The following PAH variants were observed in gnomAD, a reference collection of about 807,000 sequenced individuals.
PAH encodes phenylalanine hydroxylase.
A neutral mutation model predicts 62.0 loss-of-function variants in PAH; 64 were observed. That is an observed-to-expected ratio of 1.03 (90% CI 0.84 to 1.27). PAH has a LOEUF of 1.27. Among genes scored for constraint, PAH ranks in the 50% most tolerant of loss-of-function variants. The pLI, the probability that PAH is intolerant of heterozygous loss-of-function variation, is 0.00. For missense variants in PAH, 579 were observed against 542.8 expected, an observed-to-expected ratio of 1.07 and a Z score of -0.66; for synonymous variants, 195 against 196.2, an observed-to-expected ratio of 0.99 and a Z score of 0.05.
chr12:102,928,522 C>T (rs180865501), intron 1 of PAH, among the ~76,000 whole-genome samples: 4 of 152,162 alleles, frequency 2.6e-5, no homozygotes, highest in Admixed American at 2.6e-4. Flanking sequence ...GTGGAAGGGG[C>T]GTGGTCTAAA....
chr12:102,875,841 G>A (rs1032002779), intron 4 of PAH, among the ~76,000 whole-genome samples: 14 of 151,916 alleles, frequency 9.2e-5, no homozygotes, highest in East Asian at 7.7e-4. Context: ...CTTCCTACAC[G>A]TTTGCAATTG....
At chr12:102,886,640 A>T (rs1463802937) in intron 3 of PAH, among the ~76,000 whole-genome samples, 1 of 152,014 alleles carries the variant, frequency 6.6e-6, no homozygotes, top group Non-Finnish European at 1.5e-5. Context: ...TGGTTATGTC[A>T]CTCCAGGAGC....
intron 12 of PAH, among the ~76,000 whole-genome samples, chr12:102,839,788 CTA>C (rs771314015): frequency 6.6e-6 from 1 of 152,204 alleles, no homozygotes; most frequent in Non-Finnish European, 1.5e-5. Context: ...TCCATTTATG[CTA>C]TGTCTTCACA....
intron 3 of PAH, among the ~76,000 whole-genome samples, chr12:102,888,356 C>T (rs1877125934): frequency 6.6e-6 from 1 of 151,798 alleles, no homozygotes; most frequent in South Asian, 2.1e-4. Flanking sequence ...ATATTGAAAA[C>T]AAGAATAATA....
chr12:102,864,681 T>C (rs1211284554), intron 5 of PAH, among the ~76,000 whole-genome samples: 1 of 151,860 alleles, frequency 6.6e-6, no homozygotes, highest in Non-Finnish European at 1.5e-5. Context: ...TACACCTCAG[T>C]AGAATCAAAT....
chr12:102,928,923 T>G (rs1878763977), intron 1 of PAH, among the ~76,000 whole-genome samples: 1 of 152,182 alleles, frequency 6.6e-6, no homozygotes, highest in South Asian at 2.1e-4. Flanking sequence ...TTATGTTTCT[T>G]TTAGCAAATG....
intron 4 of PAH, among the ~76,000 whole-genome samples, chr12:102,875,781 T>G (rs1472074418): frequency 6.6e-6 from 1 of 152,134 alleles, no homozygotes; most frequent in Non-Finnish European, 1.5e-5. Context: ...CAACTAATAT[T>G]CAAGGCAGCC....
At chr12:102,908,221 G>GACACACACAC (rs150345639) in intron 2 of PAH, among the ~76,000 whole-genome samples, 3 of 141,800 alleles carry the variant, frequency 2.1e-5, no homozygotes, top group African/African-American at 5.2e-5. Context: ...CTGCAGCCCC[G>GACACACACAC]ACACACACAC....
At chr12:102,935,821 T>A (rs1194725588) in intron 1 of PAH, among the ~76,000 whole-genome samples, 36 of 152,040 alleles carry the variant, frequency 2.4e-4, no homozygotes, top group Non-Finnish European at 7.4e-5. Flanking sequence ...CTGATTTTGT[T>A]TACCTTTTCA....
At chr12:102,895,036 AT>A in intron 2 of PAH, 118 bp from the exon 3 acceptor site, 1 of 799,772 alleles carries the variant, frequency 1.3e-6, no homozygotes, top group Non-Finnish European at 2.1e-6. Context: ...GAATACAATT[AT>A]TTTTATAAGA....
At chr12:102,930,880 A>T (rs889009167) in intron 1 of PAH, among the ~76,000 whole-genome samples, 1 of 152,230 alleles carries the variant, frequency 6.6e-6, no homozygotes, top group Non-Finnish European at 1.5e-5. Flanking sequence ...ACAACTACAC[A>T]TTTCAGTATA....
intron 4 of PAH, among the ~76,000 whole-genome samples, chr12:102,871,936 AAAAAAAAAAAAAAATAT>A (rs1469123681): frequency 8.0e-4 from 72 of 90,304 alleles, no homozygotes; most frequent in African/African-American, 3.1e-3. Context: ...AAAAAAAAAA[AAAAAAAAAAAAAAATAT>A]ATATATATAT....
intron 9 of PAH, 71 bp downstream of exon 9, chr12:102,846,824 G>T: frequency 2.3e-6 from 3 of 1,313,184 alleles, no homozygotes; most frequent in Non-Finnish European, 3.3e-6. Flanking sequence ...AGGGGAGTAG[G>T]AAAGTTTCAA....
At chr12:102,881,913 CA>C (rs1265951569) in intron 3 of PAH, among the ~76,000 whole-genome samples, 1 of 152,164 alleles carries the variant, frequency 6.6e-6, no homozygotes, top group African/African-American at 2.4e-5. Context: ...AATAATACTG[CA>C]ATGAACAGGG....
At chr12:102,859,562 C>A (rs1360306114) in intron 5 of PAH, among the ~76,000 whole-genome samples, 1 of 152,106 alleles carries the variant, frequency 6.6e-6, no homozygotes, top group Non-Finnish European at 1.5e-5. Context: ...AACATCAATG[C>A]AAAAATCCTC....
intron 1 of PAH, among the ~76,000 whole-genome samples, chr12:102,933,351 C>A (rs1009870368): frequency 2.0e-5 from 3 of 152,036 alleles, no homozygotes; most frequent in Admixed American, 6.6e-5. Context: ...TGTATAAGTA[C>A]CACATTTTGC....
At chr12:102,843,841 A>G (rs1212621746) in intron 10 of PAH, 62 bp from the exon 11 acceptor site, 6 of 1,559,122 alleles carry the variant, frequency 3.8e-6, no homozygotes, top group Non-Finnish European at 5.3e-6. Context: ...TCCCTGCTGC[A>G]TCCCATAGGC....
At chr12:102,860,764 G>A (rs531657454) in intron 5 of PAH, among the ~76,000 whole-genome samples, 1 of 152,298 alleles carries the variant, frequency 6.6e-6, no homozygotes, top group South Asian at 2.1e-4. Flanking sequence ...ATGGTGCTGG[G>A]AAAATTGGCT....
intron 4 of PAH, among the ~76,000 whole-genome samples, chr12:102,873,668 G>A (rs1406229058): frequency 6.6e-6 from 1 of 152,096 alleles, no homozygotes; most frequent in Non-Finnish European, 1.5e-5. Context: ...ACTTTTTTGA[G>A]TTATTATTAT....
Sources: gnomAD v4.1 joint callset for allele counts (sites outside exome capture counted in the v4.1 genomes callset) on GRCh38, gnomAD v4.1.1 for gene constraint, MANE v1.5 for transcripts, NCBI Gene and HGNC (gene_info 2026-07-23, HGNC 2026-07-21) for gene names.